RNF40: variants seen among roughly 807,000 people sequenced by gnomAD.
The protein encoded by RNF40 is ring finger protein 40.
A neutral mutation model predicts 123.3 loss-of-function variants in RNF40; 39 were observed. The ratio of observed to expected loss-of-function variants is 0.32; its 90% confidence interval spans 0.24 to 0.41. The LOEUF is 0.41. RNF40 is among the 10% of genes least tolerant of loss of function. The probability of loss-of-function intolerance (pLI) is 1.00; values close to 1 mark genes in which losing one functional copy is unlikely to be tolerated. For missense variants in RNF40, 1,003 were observed against 1,319.9 expected, an observed-to-expected ratio of 0.76 and a Z score of 3.72; for synonymous variants, 538 against 526.0, an observed-to-expected ratio of 1.02 and a Z score of -0.31.
chr16:30,765,936 T>C (rs891442913), intron 8 of RNF40, among the ~76,000 whole-genome samples: 1 of 152,186 alleles, frequency 6.6e-6, no homozygotes, highest in Non-Finnish European at 1.5e-5. Context: ...TGGAATGCCT[T>C]CCGTGACTCC....
At position 30,767,888 on chromosome 16, in the gene RNF40, CT is replaced by C. The variant is rs777977627; in HGVS notation, c.1430-5del. 1 of 1,614,164 alleles carries C rather than the reference CT, an allele frequency of 6.2e-7. No individual in the cohort carries two copies. The highest frequency in any genetic ancestry group is 1.1e-5 in the South Asian group (1 of 91,082). ...CTGACACCTTTACTTGCTGATGCTC[CT>C]CCAGGGCCCATCAACCGTGAGATGC... On this transcript the variant is annotated splice_region_variant and splice_polypyrimidine_tract_variant and intron_variant, in intron 11 of 19. Coordinates refer to ENST00000324685, the MANE Select transcript of RNF40 (RefSeq NM_014771.4).
chr16:30,767,791 C>T, intron 11 of RNF40, 103 bp from the exon 12 acceptor site: 1 of 1,498,496 alleles, frequency 6.7e-7, no homozygotes, highest in South Asian at 1.1e-5. Flanking sequence ...ATGTTCCCCT[C>T]CTGCACAGTG....
rs2054217536 is a variant in RNF40 at position 30,775,456 on chromosome 16, TC to T, written c.*1344del. 2.2e-5 allele frequency: 4 copies of T among 185,392 alleles called. No individual in the cohort carries two copies. The South Asian group carries it at 2.9e-4, about 14-fold the overall frequency. 11.5% of individuals were successfully genotyped at this position (185,392 alleles called of 1,614,324 possible). ...CGGGCTGCATCCTGGGAAGTGTAGT[TC>T]CTGGTCCGCACATGGTTAGGAGGTT... is the stretch of plus-strand genomic sequence containing the variant. On this transcript the variant is annotated 3_prime_UTR_variant, in exon 20 of 20. Transcript: ENST00000324685.
Position 30,766,771 on chromosome 16 carries a change from C to T in RNF40, c.1324C>T (p.Arg442Cys), listed in dbSNP as rs750423709. Residue 442 changes from arginine to cysteine, a missense_variant, in exon 11 of 20, where the codon CGC becomes TGC. Coordinates refer to ENST00000324685, the MANE Select transcript of RNF40 (RefSeq NM_014771.4). The surrounding 1 kb of genome is among the most constrained non-coding windows in gnomAD (Gnocchi z 5.4). ...SDELGLQKKL[R>C]TEVIQLEDTL... ...CGAGCTGGGGCTGCAGAAGAAGCTACGCACAGAGGTCATTCAGCTGGAGGA... is the reference window on the plus strand; with the variant it reads ...CGAGCTGGGGCTGCAGAAGAAGCTATGCACAGAGGTCATTCAGCTGGAGGA... 1.2e-6 allele frequency: 2 copies of T among 1,613,934 alleles called. No individual in the cohort carries two copies. Among genetic ancestry groups the T allele is most frequent in the African/African-American group, 1.3e-5 (1 of 74,926 alleles).
rs1279923790 is a variant in RNF40 at position 30,765,001 on chromosome 16, G to T, written c.713G>T (p.Arg238Leu). The T allele has an allele frequency of 1.2e-6, 2 of 1,613,788 alleles. No individual in the cohort carries two copies. Among genetic ancestry groups the T allele is most frequent in the South Asian group, 2.2e-5 (2 of 91,066 alleles). ...AHTRELGREN[R>L]RLQDLATQLQ... ...ACCCGAGAGCTGGGCCGTGAGAACC[G>T]GCGACTGCAGGACTTGGCCACTCAG... Residue 238 changes from arginine to leucine, a missense_variant, in exon 6 of 20, where the codon CGG (arginine) becomes CTG (leucine). Coordinates refer to ENST00000324685, the MANE Select transcript of RNF40 (RefSeq NM_014771.4).
rs766206396 is a variant in RNF40 at position 30,766,789 on chromosome 16, C to T, written c.1342C>T (p.Leu448=). ...GAAGCTACGCACAGAGGTCATTCAG[C>T]TGGAGGACACGCTGGCCCAGGTACG... ...QKKLRTEVIQ[L]EDTLAQVRKE... The change falls in exon 11 of 20, where the codon CTG becomes TTG. Residue 448 remains leucine, a synonymous_variant. Coordinates refer to ENST00000324685, the MANE Select transcript of RNF40 (RefSeq NM_014771.4). This position sits in a 1 kb window ranked among gnomAD's most constrained non-coding sequence, Gnocchi z 5.4. 5.0e-6 allele frequency: 8 copies of T among 1,614,066 alleles called. No homozygotes were observed. In the South Asian group the frequency reaches 8.8e-5, roughly 18 times the overall value.
Position 30,769,549 on chromosome 16 carries a change from G to A in RNF40, c.2535G>A (p.Val845=). The A allele has an allele frequency of 6.2e-7, 1 of 1,611,974 alleles. No homozygotes were observed. Among genetic ancestry groups the A allele is most frequent in the Non-Finnish European group, 8.5e-7 (1 of 1,179,028 alleles). ...CCTTGCAGGGCAGCCTCGGGGGTGT[G>A]GAGAAGGAGCTGACGCTGCGCAGCC... ...ERALQGSLGG[V]EKELTLRSQA... Residue 845 remains valine, a synonymous_variant, in exon 17 of 20, where the codon GTG becomes GTA. Transcript: ENST00000324685.
upstream of RNF40, chr16:30,762,286 G>GCAGTGGCGT: frequency 2.1e-6 from 1 of 477,458 alleles, no homozygotes; most frequent in South Asian, 3.2e-5. Flanking sequence ...TTGGGGGGGG[G>GCAGTGGCGT]GCAGTGGCGT....
At chr16:30,762,846 C>T (rs2053899054) in intron 2 of RNF40, 169 bp downstream of exon 2, 4 of 915,856 alleles carry the variant, frequency 4.4e-6, no homozygotes, top group Non-Finnish European at 3.3e-6. Flanking sequence ...CCTGTCTTCC[C>T]TTTACAGATA....
Position 30,762,370 on chromosome 16 carries a change from C to T in RNF40, c.-72+10C>T. On this transcript the variant is annotated intron_variant, in intron 1 of 19. Coordinates refer to ENST00000324685, the MANE Select transcript of RNF40 (RefSeq NM_014771.4). ...GCTGACCCTCCTGCTGGTGAGGGCT[C>T]TGGCGCCGGGGGGGACGGGATCCAG... 1 of 648,272 alleles carries T rather than the reference C, an allele frequency of 1.5e-6. No individual in the cohort carries two copies. The highest frequency in any genetic ancestry group is 2.4e-6 in the Non-Finnish European group (1 of 412,908). The allele number at this position is 648,272 out of a possible 1,614,324, so 40.2% of individuals were successfully genotyped here.
In RNF40 at chr16:30,774,291, C is replaced by G; in HGVS notation, c.*177C>G. 1.6e-6 allele frequency: 1 copy of G among 623,340 alleles called. No homozygotes were observed. The allele number at this position is 623,340 out of a possible 1,614,324, so 38.6% of individuals were successfully genotyped here. ...GCTAGTGGGCATGGGATCAGCCAAG[C>G]TTCGTTCCATCTTTTCCTAAAGGTC... On this transcript the variant is annotated 3_prime_UTR_variant, in exon 20 of 20. Coordinates refer to ENST00000324685, the MANE Select transcript of RNF40 (RefSeq NM_014771.4).
At position 30,776,066 on chromosome 16, in the gene RNF40, C is replaced by A. The variant is rs1355180688; in HGVS notation, c.*1952C>A. 1 of 152,256 alleles carries A rather than the reference C, an allele frequency of 6.6e-6. No homozygotes were observed. The highest frequency in any genetic ancestry group is 1.5e-5 in the Non-Finnish European group (1 of 68,066). 9.4% of individuals were successfully genotyped at this position (152,256 alleles called of 1,614,324 possible). On this transcript the variant is annotated 3_prime_UTR_variant, in exon 20 of 20. Coordinates refer to ENST00000324685, the MANE Select transcript of RNF40 (RefSeq NM_014771.4). ...TATTGCATCATAGAGACGCGGCCAC[C>A]TTCGCCCCTGGAGAGCGCCAGTCTC...
intron 4 of RNF40, 28 bp from the exon 5 acceptor site, chr16:30,764,151 C>T (rs947562832): frequency 1.3e-6 from 2 of 1,579,998 alleles, no homozygotes; most frequent in African/African-American, 1.3e-5. Context: ...TGCTCTTATC[C>T]TCATGAGGGT....
At position 30,764,172 on chromosome 16, in the gene RNF40, C is replaced by A; in HGVS notation, c.443-7C>A. ...TATCCTCATGAGGGTCTGTCCATTC[C>A]TTCCAGACCCCTTGCTGATGCAGCT... On this transcript the variant is annotated splice_region_variant and splice_polypyrimidine_tract_variant and intron_variant, in intron 4 of 19. Transcript: ENST00000324685. The A allele has an allele frequency of 6.2e-7, 1 of 1,603,872 alleles. No individual in the cohort carries two copies. The highest frequency in any genetic ancestry group is 1.1e-5 in the South Asian group (1 of 89,506).
chr16:30,768,555 C>G lies in RNF40; in HGVS notation c.1979+25C>G. 6.2e-7 allele frequency: 1 copy of G among 1,613,588 alleles called. No individual in the cohort carries two copies. Among genetic ancestry groups the G allele is most frequent in the Non-Finnish European group, 8.5e-7 (1 of 1,179,586 alleles). ...AGTGAGGCTCTGTTCCTGTCTCCTTCCTGACCCTGCCAGGTGGCCTCCAGT... is the reference window on the plus strand; with the variant it reads ...AGTGAGGCTCTGTTCCTGTCTCCTTGCTGACCCTGCCAGGTGGCCTCCAGT... On this transcript the variant is annotated intron_variant, in intron 13 of 19. Coordinates refer to ENST00000324685, the MANE Select transcript of RNF40 (RefSeq NM_014771.4). This position sits in a 1 kb window ranked among gnomAD's most constrained non-coding sequence, Gnocchi z 4.1.
At chr16:30,762,117 T>C, upstream of RNF40, 1 of 352,974 alleles carries the variant, frequency 2.8e-6, no homozygotes, top group East Asian at 5.6e-5. Context: ...TCAGTTACTA[T>C]GGGAACTGCC....
chr16:30,770,931 C>T (rs946966607), intron 17 of RNF40, among the ~76,000 whole-genome samples: 3 of 152,146 alleles, frequency 2.0e-5, no homozygotes, highest in Non-Finnish European at 4.4e-5. Flanking sequence ...AGGCTGGTCT[C>T]AAACTCCTGA....
At chr16:30,764,451 C>T in intron 5 of RNF40, 66 bp downstream of exon 5, 1 of 1,390,616 alleles carries the variant, frequency 7.2e-7, no homozygotes, top group African/African-American at 1.4e-5. Context: ...GCACCCCTTC[C>T]TGATTCCCCT....
rs977935297 is a variant in RNF40, at chr16:30,775,995, T to C, written c.*1881T>C. On this transcript the variant is annotated 3_prime_UTR_variant, in exon 20 of 20. Coordinates refer to ENST00000324685, the MANE Select transcript of RNF40 (RefSeq NM_014771.4). ...GGAGGACATCGGGCCGCAGAGAAAG[T>C]GCCGATGGCCTGGGGCAGCGGTGCG... 2.6e-5 allele frequency: 4 copies of C among 152,188 alleles called. No homozygotes were observed. Among genetic ancestry groups the C allele is most frequent in the African/African-American group, 9.7e-5 (4 of 41,432 alleles). The allele number at this position is 152,188 out of a possible 1,614,324, so 9.4% of individuals were successfully genotyped here.
Sources: allele counts gnomAD v4.1 joint callset (sites outside exome capture counted in the v4.1 genomes callset), GRCh38; gene constraint gnomAD v4.1.1; non-coding constraint Gnocchi (gnomAD v3.1); transcripts MANE v1.5; gene names NCBI Gene and HGNC (gene_info 2026-07-23, HGNC 2026-07-21).